Variants in CADPS2 observed in about 807,000 individuals in gnomAD.
CADPS2 encodes calcium dependent secretion activator 2.
CADPS2 carries 93 observed loss-of-function variants against 172.5 expected under a neutral mutation model. That is an observed-to-expected ratio of 0.54 (90% CI 0.46 to 0.64). The LOEUF (loss-of-function observed/expected upper bound fraction) is 0.64, where lower values mean the gene tolerates loss of function less well. CADPS2 is among the 30% of genes least tolerant of loss of function. The pLI, the probability that CADPS2 is intolerant of heterozygous loss-of-function variation, is 0.00. For missense variants in CADPS2, 1,420 were observed against 1,565.9 expected (o/e 0.91, Z 1.57); for synonymous variants, 546 against 555.2 (o/e 0.98, Z 0.23).
At position 122,527,582 on chromosome 7, in the gene CADPS2, TAGAGAGAGAG is replaced by T. The variant is rs35881192; in HGVS notation, c.1476-14277_1476-14268del. ...TAATACTGGTAAAGATAATACTGAA[TAGAGAGAGAG>T]AGAGAGAGAGAGAGAGAGAGAGAGA... On this transcript the variant is annotated intron_variant, in intron 8 of 29. Coordinates refer to ENST00000449022, the MANE Select transcript of CADPS2 (RefSeq NM_017954.11). 2.6e-3 allele frequency among the ~76,000 whole-genome samples: 239 copies of T among 91,748 alleles called. 1 individual carries two copies. Among genetic ancestry groups the T allele is most frequent in the Non-Finnish European group, 4.0e-3 (180 of 44,706 alleles). The allele number at this position is 91,748 out of a possible 152,430, so 60.2% of individuals were successfully genotyped here. A position where few individuals can be genotyped will look rare whatever the true frequency, so the allele number is the denominator to read the frequency against.
At chr7:122,844,975 T>A (rs1357222347) in intron 1 of CADPS2, among the ~76,000 whole-genome samples, 1 of 152,152 alleles carries the variant, frequency 6.6e-6, no homozygotes, top group Non-Finnish European at 1.5e-5. Flanking sequence ...AATCATCCTA[T>A]AAGCTTATAG....
chr7:122,590,863 A>G (rs1037717603), intron 6 of CADPS2, among the ~76,000 whole-genome samples: 1 of 152,000 alleles, frequency 6.6e-6, no homozygotes, highest in Non-Finnish European at 1.5e-5. Flanking sequence ...CCTTAATTTT[A>G]ATAGTTAATT....
At chr7:122,587,828 C>G (rs1309569389) in intron 6 of CADPS2, among the ~76,000 whole-genome samples, 1 of 152,078 alleles carries the variant, frequency 6.6e-6, no homozygotes, top group Non-Finnish European at 1.5e-5. Context: ...ACATTCCCAC[C>G]AACAGTGTAA....
At chr7:122,858,394 GAAA>G (rs1815935218) in intron 1 of CADPS2, among the ~76,000 whole-genome samples, 3 of 152,050 alleles carry the variant, frequency 2.0e-5, no homozygotes, top group Non-Finnish European at 4.4e-5. Context: ...TATTTTGTAA[GAAA>G]AAAGACACTT....
chr7:122,816,734 G>A (rs940346040), intron 1 of CADPS2, among the ~76,000 whole-genome samples: 1 of 152,114 alleles, frequency 6.6e-6, no homozygotes, highest in African/African-American at 2.4e-5. Context: ...ATTTTTGTCA[G>A]GCCTCTGAGC....
intron 8 of CADPS2, 30 bp downstream of exon 8, chr7:122,554,520 C>T: frequency 6.5e-7 from 1 of 1,549,836 alleles, no homozygotes; most frequent in Middle Eastern, 1.8e-4. Flanking sequence ...TTCAATAATT[C>T]AGGAAAAAAA....
intron 14 of CADPS2, among the ~76,000 whole-genome samples, chr7:122,468,495 T>C (rs1403414421): frequency 6.6e-6 from 1 of 152,208 alleles, no homozygotes; most frequent in Non-Finnish European, 1.5e-5. Context: ...CAGTCCTAAC[T>C]ACATACTTTT....
At chr7:122,754,023 C>A (rs1157631396) in intron 1 of CADPS2, among the ~76,000 whole-genome samples, 7 of 152,136 alleles carry the variant, frequency 4.6e-5, no homozygotes, top group African/African-American at 1.2e-4. Flanking sequence ...CACTCCCCAC[C>A]AGGTAGGAGC....
chr7:122,736,164 A>G (rs748344301), intron 2 of CADPS2, among the ~76,000 whole-genome samples: 2 of 152,204 alleles, frequency 1.3e-5, no homozygotes, highest in Non-Finnish European at 2.9e-5. Flanking sequence ...ATCAGTTAAC[A>G]GTACATCCAA....
chr7:122,531,556 A>G (rs970996301), intron 8 of CADPS2, among the ~76,000 whole-genome samples: 9 of 152,200 alleles, frequency 5.9e-5, no homozygotes, highest in African/African-American at 1.4e-4. Flanking sequence ...ATACTTACAG[A>G]TAAGAATTCT....
At chr7:122,795,021 A>T (rs946945991) in intron 1 of CADPS2, among the ~76,000 whole-genome samples, 4 of 152,140 alleles carry the variant, frequency 2.6e-5, no homozygotes, top group Non-Finnish European at 4.4e-5. Context: ...AAAGTTACAA[A>T]GATCTCAAGT....
intron 1 of CADPS2, among the ~76,000 whole-genome samples, chr7:122,794,813 A>G (rs1253352520): frequency 6.6e-6 from 1 of 152,110 alleles, no homozygotes; most frequent in Non-Finnish European, 1.5e-5. Flanking sequence ...AAGACTAAGA[A>G]ATTCACTCAA....
intron 3 of CADPS2, among the ~76,000 whole-genome samples, chr7:122,645,231 G>GTA (rs201301272): frequency 0.35 from 5,255 of 15,046 alleles, 147 homozygotes; most frequent in Non-Finnish European, 0.41. Flanking sequence ...TATACGCTAA[G>GTA]TATATATATA....
At chr7:122,615,357 A>T in intron 5 of CADPS2, 58 bp from the exon 6 acceptor site, 5 of 1,158,546 alleles carry the variant, frequency 4.3e-6, no homozygotes, top group Non-Finnish European at 6.1e-6. Context: ...AGCAATATAC[A>T]TAAACAGCAG....
chr7:122,535,946 A>C (rs1390019783), intron 8 of CADPS2, among the ~76,000 whole-genome samples: 1 of 152,106 alleles, frequency 6.6e-6, no homozygotes, highest in Non-Finnish European at 1.5e-5. Context: ...TATTAGCACC[A>C]TATCTACCCA....
intron 2 of CADPS2, among the ~76,000 whole-genome samples, chr7:122,696,361 T>C (rs17144731): frequency 0.061 from 9,334 of 152,252 alleles, 348 homozygotes; most frequent in South Asian, 0.17. Context: ...GCTCTTGTGA[T>C]TAACACAAAA....
intron 7 of CADPS2, among the ~76,000 whole-genome samples, chr7:122,580,807 A>G (rs1479963003): frequency 6.6e-6 from 1 of 152,190 alleles, no homozygotes; most frequent in African/African-American, 2.4e-5. Context: ...AGATGATTTC[A>G]AATATAAAGA....
chr7:122,550,137 G>A (rs922099290), intron 8 of CADPS2, among the ~76,000 whole-genome samples: 2 of 152,128 alleles, frequency 1.3e-5, no homozygotes, highest in Non-Finnish European at 2.9e-5. Context: ...GAAATGGTGG[G>A]GCCACAAAGC....
intron 6 of CADPS2, among the ~76,000 whole-genome samples, chr7:122,597,027 T>C (rs2071911387): frequency 1.3e-5 from 2 of 151,052 alleles, no homozygotes; most frequent in East Asian, 2.0e-4. Flanking sequence ...GGTGGGAGAG[T>C]GAATGCCAGG....
Sources: gnomAD v4.1 joint callset for allele counts (sites outside exome capture counted in the v4.1 genomes callset) on GRCh38, gnomAD v4.1.1 for gene constraint, MANE v1.5 for transcripts, NCBI Gene and HGNC (gene_info 2026-07-23, HGNC 2026-07-21) for gene names.